Variants in TCF12 observed in about 807,000 individuals in gnomAD.
TCF12 encodes transcription factor 12, also known as DNA-binding protein HTF4.
TCF12 carries 45 observed loss-of-function variants against 86.0 expected under a neutral mutation model. That is an observed-to-expected ratio of 0.52 (90% CI 0.41 to 0.67). The LOEUF (loss-of-function observed/expected upper bound fraction) is 0.67. TCF12 is among the 30% of genes least tolerant of loss of function. The pLI, the probability that TCF12 is intolerant of heterozygous loss-of-function variation, is 0.00. For synonymous variants in TCF12, 330 were observed against 299.6 expected, an observed-to-expected ratio of 1.10 and a Z score of -1.05; for missense variants, 881 against 859.9, an observed-to-expected ratio of 1.02 and a Z score of -0.31.
intron 3 of TCF12, among the ~76,000 whole-genome samples, chr15:56,942,670 C>T (rs1380052950): frequency 1.3e-5 from 2 of 152,092 alleles, no homozygotes; most frequent in African/African-American, 2.4e-5. Flanking sequence ...TTTGATATGG[C>T]TCAACTGGTT....
intron 8 of TCF12, among the ~76,000 whole-genome samples, chr15:57,203,960 A>G (rs746650813): frequency 1.3e-5 from 2 of 152,106 alleles, no homozygotes; most frequent in Non-Finnish European, 2.9e-5. Context: ...ACTCCATTGC[A>G]CTCCAGCCTG....
At chr15:57,098,171 C>A (rs191217699) in intron 5 of TCF12, among the ~76,000 whole-genome samples, 39 of 152,082 alleles carry the variant, frequency 2.6e-4, no homozygotes, top group African/African-American at 8.9e-4. Flanking sequence ...GATGACAGAG[C>A]AAGACTCCAT....
intron 3 of TCF12, among the ~76,000 whole-genome samples, chr15:56,935,906 G>A (rs1449867307): frequency 6.6e-6 from 1 of 152,164 alleles, no homozygotes; most frequent in Non-Finnish European, 1.5e-5. Context: ...TGATAGATGA[G>A]CATTTGAGCT....
downstream of TCF12, chr15:57,291,232 A>G (rs978181858): frequency 2.0e-5 from 3 of 152,236 alleles, no homozygotes; most frequent in Non-Finnish European, 4.4e-5. Flanking sequence ...TTTGCATACA[A>G]TCTACACATC....
At chr15:56,956,068 A>T (rs1173294872) in intron 3 of TCF12, among the ~76,000 whole-genome samples, 2 of 152,020 alleles carry the variant, frequency 1.3e-5, no homozygotes, top group African/African-American at 4.8e-5. Flanking sequence ...TTGATATGTT[A>T]GCACTGTACA....
intron 5 of TCF12, among the ~76,000 whole-genome samples, chr15:57,146,728 A>G (rs1002747831): frequency 6.6e-6 from 1 of 152,224 alleles, no homozygotes; most frequent in Non-Finnish European, 1.5e-5. Context: ...AAGCTGTAAT[A>G]CTTAAATCAA....
intron 13 of TCF12, chr15:57,247,138 C>T: frequency 1.8e-6 from 1 of 565,950 alleles, no homozygotes; most frequent in Non-Finnish European, 3.3e-6. Flanking sequence ...TTTCCTCCTT[C>T]ACTCCACCGT....
At chr15:57,250,445 G>A (rs1283787112) in intron 13 of TCF12, among the ~76,000 whole-genome samples, 1 of 152,142 alleles carries the variant, frequency 6.6e-6, no homozygotes, top group African/African-American at 2.4e-5. Flanking sequence ...ATTAGGTGTA[G>A]AAGCCAGGCA....
intron 18 of TCF12, among the ~76,000 whole-genome samples, chr15:57,269,039 T>C (rs1395089480): frequency 6.6e-6 from 1 of 152,180 alleles, no homozygotes; most frequent in African/African-American, 2.4e-5. Context: ...GACTGTTAAG[T>C]CCGCTTGGTC....
intron 19 of TCF12, among the ~76,000 whole-genome samples, chr15:57,276,521 T>C (rs1171941361): frequency 1.3e-5 from 2 of 152,224 alleles, no homozygotes; most frequent in African/African-American, 4.8e-5. Context: ...GAAGAATACA[T>C]GTTTCAAGAG....
At chr15:57,162,904 G>A (rs1179861154) in intron 5 of TCF12, among the ~76,000 whole-genome samples, 1 of 151,862 alleles carries the variant, frequency 6.6e-6, no homozygotes, top group African/African-American at 2.4e-5. Flanking sequence ...GATGGAGTGT[G>A]GTGGCTCACG....
At chr15:57,269,307 T>C (rs2061012744) in intron 18 of TCF12, among the ~76,000 whole-genome samples, 1 of 151,972 alleles carries the variant, frequency 6.6e-6, no homozygotes, top group Non-Finnish European at 1.5e-5. Context: ...TTGATCTTTG[T>C]TGGTTGAAAG....
rs978578092 is a variant in TCF12 at position 57,287,991 on chromosome 15, T to G, written c.*1846T>G. 1 of 152,662 alleles carries G rather than the reference T, an allele frequency of 6.6e-6. No individual in the cohort carries two copies. 9.5% of individuals were successfully genotyped at this position (152,662 alleles called of 1,614,324 possible). On this transcript the variant is annotated 3_prime_UTR_variant, in exon 21 of 21. Transcript: ENST00000333725. ...TTTCGCTATATTAGACTTTGCAGTA[T>G]GCCCAGAAGCTTTCCTTCATAAAAT...
At chr15:57,136,513 A>G (rs1267819560) in intron 5 of TCF12, among the ~76,000 whole-genome samples, 1 of 152,188 alleles carries the variant, frequency 6.6e-6, no homozygotes, top group Non-Finnish European at 1.5e-5. Context: ...TCTTATTTCT[A>G]CATTCCAAGG....
At chr15:57,037,738 GT>G (rs1429589124) in intron 3 of TCF12, among the ~76,000 whole-genome samples, 1 of 152,098 alleles carries the variant, frequency 6.6e-6, no homozygotes, top group Non-Finnish European at 1.5e-5. Flanking sequence ...ACTGATTTCC[GT>G]TTCCTTTTTC....
chr15:57,087,374 T>C (rs1464124291), intron 4 of TCF12, among the ~76,000 whole-genome samples: 1 of 146,558 alleles, frequency 6.8e-6, no homozygotes, highest in Admixed American at 6.9e-5. Context: ...ATCATGCCAC[T>C]GCACTCCAGC....
intron 19 of TCF12, chr15:57,278,678 C>G (rs1417211631): frequency 4.9e-6 from 1 of 204,850 alleles, no homozygotes; most frequent in African/African-American, 2.4e-5. Flanking sequence ...AAGGATCAAA[C>G]CTTTCCTCCC....
chr15:57,192,723 G>A (rs1229590011), intron 7 of TCF12, among the ~76,000 whole-genome samples: 3 of 152,098 alleles, frequency 2.0e-5, no homozygotes, highest in East Asian at 3.9e-4. Flanking sequence ...AGTTGGATTC[G>A]TGGGTATCAC....
At chr15:57,164,687 T>C (rs1238442804) in intron 5 of TCF12, among the ~76,000 whole-genome samples, 1 of 152,148 alleles carries the variant, frequency 6.6e-6, no homozygotes, top group Admixed American at 6.5e-5. Context: ...TTTTCTTTTT[T>C]GTTTTTTGTT....
Sources: gnomAD v4.1 joint callset for allele counts (sites outside exome capture counted in the v4.1 genomes callset) on GRCh38, gnomAD v4.1.1 for gene constraint, MANE v1.5 for transcripts, NCBI Gene and HGNC (gene_info 2026-07-23, HGNC 2026-07-21) for gene names.